PRPF3: variants seen among roughly 807,000 people sequenced by gnomAD.
PRPF3 encodes pre-mRNA processing factor 3.
In PRPF3, 3 loss-of-function variants were observed where a neutral mutation model predicts 89.2. The observed-to-expected ratio is 0.03, with a 90% CI of 0.02 to 0.09. PRPF3 has a LOEUF of 0.09. PRPF3 is among the 10% of genes least tolerant of loss of function. The pLI is 1.00. For missense variants in PRPF3, 463 were observed against 828.8 expected, an observed-to-expected ratio of 0.56 and a Z score of 5.42; for synonymous variants, 270 against 289.1, an observed-to-expected ratio of 0.93 and a Z score of 0.67.
chr1:150,341,516 C>T (rs1402379262), intron 9 of PRPF3, among the ~76,000 whole-genome samples: 2 of 150,126 alleles, frequency 1.3e-5, no homozygotes, highest in Non-Finnish European at 1.5e-5. Flanking sequence ...AGCAATTCTC[C>T]TGCCTCAGCC....
chr1:150,351,961 A>AG (rs1258783450), intron 15 of PRPF3, among the ~76,000 whole-genome samples: 1 of 152,172 alleles, frequency 6.6e-6, no homozygotes, highest in African/African-American at 2.4e-5. Context: ...TTCAGAAATA[A>AG]GCCAAGTTCT....
intron 1 of PRPF3, among the ~76,000 whole-genome samples, chr1:150,321,984 TGAGAG>T (rs1187144563): frequency 6.6e-6 from 1 of 151,992 alleles, no homozygotes; most frequent in Non-Finnish European, 1.5e-5. Flanking sequence ...GCCTGCTCAT[TGAGAG>T]GAGAGATCAT....
chr1:150,347,152 A>G (rs7519691), intron 14 of PRPF3, among the ~76,000 whole-genome samples: 32,335 of 151,674 alleles, frequency 0.21, 3,917 homozygotes, highest in African/African-American at 0.29. Flanking sequence ...TCTATATTAT[A>G]TTATTATTTG....
At chr1:150,336,750 C>T (rs1485626644) in intron 7 of PRPF3, among the ~76,000 whole-genome samples, 4 of 151,390 alleles carry the variant, frequency 2.6e-5, no homozygotes, top group African/African-American at 7.3e-5. Flanking sequence ...AGCGAAACTC[C>T]GTCTCAAAAA....
At chr1:150,337,195 C>T (rs587594578) in intron 7 of PRPF3, among the ~76,000 whole-genome samples, 71 of 152,026 alleles carry the variant, frequency 4.7e-4, no homozygotes, top group Admixed American at 1.4e-3. Flanking sequence ...CCCGCCACCA[C>T]GCCCGGCTAA....
At chr1:150,328,994 A>C (rs1656030766) in intron 4 of PRPF3, among the ~76,000 whole-genome samples, 1 of 148,134 alleles carries the variant, frequency 6.8e-6, no homozygotes, top group Non-Finnish European at 1.5e-5. Context: ...GCCTCGCCTT[A>C]TTGTGATCTT....
intron 14 of PRPF3, among the ~76,000 whole-genome samples, chr1:150,347,259 C>CACACAT (rs1377015158): frequency 3.6e-5 from 5 of 137,562 alleles, no homozygotes; most frequent in Non-Finnish European, 7.7e-5. Flanking sequence ...TATATATATA[C>CACACAT]ACACATACAC....
intron 7 of PRPF3, among the ~76,000 whole-genome samples, chr1:150,335,724 C>T (rs1487522482): frequency 1.3e-5 from 2 of 150,886 alleles, no homozygotes; most frequent in Non-Finnish European, 2.9e-5. Flanking sequence ...TTTGTCCTCC[C>T]AAAGTGCTGG....
At chr1:150,336,705 G>C (rs1464471802) in intron 7 of PRPF3, among the ~76,000 whole-genome samples, 1 of 151,962 alleles carries the variant, frequency 6.6e-6, no homozygotes, top group African/African-American at 2.4e-5. Context: ...GCAGTGAGCT[G>C]AGATCGCACC....
At chr1:150,321,977 T>G (rs1170015738) in intron 1 of PRPF3, among the ~76,000 whole-genome samples, 1 of 152,130 alleles carries the variant, frequency 6.6e-6, no homozygotes, top group African/African-American at 2.4e-5. Flanking sequence ...TTCTGCTGCC[T>G]GCTCATTGAG....
Position 150,349,193 on chromosome 1 carries a change from C to G in PRPF3, c.1880C>G (p.Thr627Ser), listed in dbSNP as rs1553873791. ...TCTGATGAGGAAGCTGTGAAGAAAACCAACAAATGTGTACTAGTCTGGGAG... is the reference window on the plus strand; with the variant it reads ...TCTGATGAGGAAGCTGTGAAGAAAAGCAACAAATGTGTACTAGTCTGGGAG... ...EESDEEAVKKTNKCVLVWEGT... is the reference protein window; with the variant it reads ...EESDEEAVKKSNKCVLVWEGT... Residue 627 changes from threonine to serine, a missense_variant, in exon 15 of 16, where the codon ACC becomes AGC. Thr to Ser is a moderately conservative substitution (Grantham distance 58). Transcript: ENST00000324862. 9.9e-6 allele frequency: 16 copies of G among 1,613,780 alleles called. No individual in the cohort carries two copies. Among genetic ancestry groups the G allele is most frequent in the Non-Finnish European group, 1.4e-5 (16 of 1,179,838 alleles).
rs782480683 is a variant in PRPF3, at chr1:150,325,846, T to A, written c.241T>A (p.Ser81Thr). The A allele has an allele frequency of 2.5e-6, 4 of 1,613,634 alleles. No individual in the cohort carries two copies. In the African/African-American group the frequency reaches 5.3e-5, roughly 22 times the overall value. ...EEGRSSRHSK[S>T]SSDRSRKREL... ...AGGCCGAAGCTCTAGGCATTCCAAG[T>A]CTAGCAGTGACAGGAGCAGAAAACG... The change falls in exon 3 of 16, where the codon TCT becomes ACT. Residue 81 changes from serine to threonine, a missense_variant. By Grantham distance (58) the Ser-to-Thr change is moderately conservative. Coordinates refer to ENST00000324862, the MANE Select transcript of PRPF3 (RefSeq NM_004698.4).
At position 150,338,216 on chromosome 1, in the gene PRPF3, C is replaced by A. The variant is rs587670998; in HGVS notation, c.1092C>A (p.Ile364=). ...CACAAGCAGCTCGAAAAACAGGCAT[C>A]CATACTTCGACTAGGCTTGCCCTCA... ...EISQAARKTG[I]HTSTRLALIA... Residue 364 remains isoleucine, a synonymous_variant, in exon 8 of 16, where the codon ATC becomes ATA. Transcript: ENST00000324862. 6.2e-7 allele frequency: 1 copy of A among 1,614,130 alleles called. No individual in the cohort carries two copies. The highest frequency in any genetic ancestry group is 1.1e-5 in the South Asian group (1 of 91,084).
chr1:150,321,611 C>A lies in PRPF3; in HGVS notation c.-49+19C>A, dbSNP rs1655049140. The A allele has an allele frequency of 1.3e-5, 2 of 152,638 alleles. No homozygotes were observed. The highest frequency in any genetic ancestry group is 2.9e-5 in the Non-Finnish European group (2 of 68,106). The allele number at this position is 152,638 out of a possible 1,614,324, so 9.5% of individuals were successfully genotyped here. A position where few individuals can be genotyped will look rare whatever the true frequency, so the allele number is the denominator to read the frequency against. On this transcript the variant is annotated intron_variant, in intron 1 of 15. Transcript: ENST00000324862. ...TTGTGAGGTGAGTAGTGGCCCCGGGCCCACAGAGGGTAATTCCAGTCCGCG... is the reference window on the plus strand; with the variant it reads ...TTGTGAGGTGAGTAGTGGCCCCGGGACCACAGAGGGTAATTCCAGTCCGCG...
At chr1:150,348,987 C>T (rs1658614815) in intron 14 of PRPF3, 170 bp from the exon 15 acceptor site, 1 of 670,158 alleles carries the variant, frequency 1.5e-6, no homozygotes, top group Non-Finnish European at 2.7e-6. Flanking sequence ...TTACTGCCTA[C>T]TTGGAGCTTC....
rs587700462 is a variant in PRPF3 at position 150,344,640 on chromosome 1, C to T, written c.1640+93C>T. On this transcript the variant is annotated intron_variant, in intron 12 of 15. Transcript: ENST00000324862. Reference sequence around the variant, plus strand: ...GAATCATTGTGGCCTAAAAGCATACCTAACACCAGTTCCTACTCTCTTTTA... The same window carrying T: ...GAATCATTGTGGCCTAAAAGCATACTTAACACCAGTTCCTACTCTCTTTTA... The T allele has an allele frequency of 2.8e-4, 367 of 1,314,812 alleles. 4 individuals carry two copies. In the South Asian group the frequency reaches 4.4e-3, roughly 16 times the overall value. 81.4% of individuals were successfully genotyped at this position (1,314,812 alleles called of 1,614,324 possible).
At chr1:150,351,828 G>C (rs1658960842) in intron 15 of PRPF3, among the ~76,000 whole-genome samples, 2 of 151,810 alleles carry the variant, frequency 1.3e-5, no homozygotes, top group South Asian at 4.2e-4. Context: ...ACATATCTCA[G>C]CACCCTCATC....
At chr1:150,336,369 G>T (rs1344097234) in intron 7 of PRPF3, among the ~76,000 whole-genome samples, 1 of 152,176 alleles carries the variant, frequency 6.6e-6, no homozygotes, top group African/African-American at 2.4e-5. Flanking sequence ...AAGTACAGAT[G>T]AGACTGTTGG....
At chr1:150,352,798 A>T (rs1553874688) in intron 15 of PRPF3, 35 bp from the exon 16 acceptor site, 1 of 1,604,214 alleles carries the variant, frequency 6.2e-7, no homozygotes, top group African/African-American at 1.3e-5. Flanking sequence ...TTAAATAAGA[A>T]ATTGAAGTGT....
Sources: allele counts gnomAD v4.1 joint callset (sites outside exome capture counted in the v4.1 genomes callset), GRCh38; gene constraint gnomAD v4.1.1; transcripts MANE v1.5; gene names NCBI Gene and HGNC (gene_info 2026-07-23, HGNC 2026-07-21).